Variants in QPCT observed in about 807,000 individuals in gnomAD.
QPCT encodes the protein EC.
In QPCT, 44 loss-of-function variants were observed where a neutral mutation model predicts 43.4. That is an observed-to-expected ratio of 1.01 (90% CI 0.80 to 1.30). The LOEUF is 1.30. QPCT is among the 50% of genes most tolerant of loss of function. QPCT has a pLI of 0.00. For missense variants in QPCT, 526 were observed against 436.5 expected, an observed-to-expected ratio of 1.21 and a Z score of -1.83; for synonymous variants, 168 against 168.4, an observed-to-expected ratio of 1.00 and a Z score of 0.02.
At chr2:37,367,801 C>T (rs1672996341) in intron 4 of QPCT, among the ~76,000 whole-genome samples, 1 of 151,990 alleles carries the variant, frequency 6.6e-6, no homozygotes, top group African/African-American at 2.4e-5. Context: ...CCCAGGAGTT[C>T]GAGGCTGCCG....
chr2:37,355,602 C>A (rs969571310), intron 2 of QPCT, among the ~76,000 whole-genome samples: 1 of 151,986 alleles, frequency 6.6e-6, no homozygotes, highest in Non-Finnish European at 1.5e-5. Flanking sequence ...TTGGGGGAAC[C>A]CTGTCCCACA....
chr2:37,367,156 C>A, intron 3 of QPCT, 76 bp from the exon 4 acceptor site: 2 of 1,446,636 alleles, frequency 1.4e-6, no homozygotes, highest in Non-Finnish European at 1.9e-6. Context: ...ATCTTTTTGC[C>A]CAATTAATAG....
intron 3 of QPCT, among the ~76,000 whole-genome samples, chr2:37,363,170 A>G (rs191193923): frequency 2.6e-5 from 4 of 152,364 alleles, no homozygotes; most frequent in African/African-American, 4.8e-5. Flanking sequence ...AAAATCCCAG[A>G]TGGTGACATT....
rs1335042767 is a variant in QPCT, at chr2:37,367,230, A to T, written c.547-2A>T. On this transcript the variant is annotated splice_acceptor_variant, in intron 3 of 6. Coordinates refer to ENST00000338415, the MANE Select transcript of QPCT (RefSeq NM_012413.4). LOFTEE classifies it high-confidence loss of function. ...CTATGTTTTTATTGTTGTTTTTACC[A>T]GACTGTTTCAGACTCCAAGCCAGAT... 1.2e-6 allele frequency: 2 copies of T among 1,608,802 alleles called. No individual in the cohort carries two copies. Among genetic ancestry groups the T allele is most frequent in the Admixed American group, 1.7e-5 (1 of 58,814 alleles).
At chr2:37,361,153 T>A (rs372666223) in intron 3 of QPCT, among the ~76,000 whole-genome samples, 23 of 152,336 alleles carry the variant, frequency 1.5e-4, no homozygotes, top group African/African-American at 5.5e-4. Flanking sequence ...GTGGGGGATT[T>A]TTTTTAAGAG....
intron 3 of QPCT, among the ~76,000 whole-genome samples, chr2:37,362,881 C>T (rs1001631005): frequency 6.6e-6 from 1 of 152,184 alleles, no homozygotes; most frequent in Non-Finnish European, 1.5e-5. Context: ...TAGAGATTCC[C>T]ACCCCACACC....
intron 3 of QPCT, among the ~76,000 whole-genome samples, chr2:37,362,123 G>A (rs1672867209): frequency 6.6e-6 from 1 of 152,208 alleles, no homozygotes; most frequent in Admixed American, 6.5e-5. Flanking sequence ...GAGTCTCCCA[G>A]CTGTTGAAGT....
intron 5 of QPCT, among the ~76,000 whole-genome samples, chr2:37,371,599 T>C (rs892228208): frequency 5.3e-5 from 8 of 152,180 alleles, no homozygotes; most frequent in Non-Finnish European, 1.2e-4. Flanking sequence ...TTACCTTAGC[T>C]AGTTCCTAGC....
At chr2:37,370,744 A>C (rs1171109418) in intron 5 of QPCT, among the ~76,000 whole-genome samples, 1 of 152,204 alleles carries the variant, frequency 6.6e-6, no homozygotes, top group African/African-American at 2.4e-5. Context: ...ATACGTATCT[A>C]TGGCTGAAGA....
At chr2:37,365,193 A>G (rs1275526483) in intron 3 of QPCT, among the ~76,000 whole-genome samples, 2 of 152,090 alleles carry the variant, frequency 1.3e-5, no homozygotes, top group Non-Finnish European at 2.9e-5. Flanking sequence ...GAAGAGAACC[A>G]TGGAGCAAGC....
At chr2:37,354,159 C>T (rs978317715) in intron 2 of QPCT, among the ~76,000 whole-genome samples, 1 of 152,230 alleles carries the variant, frequency 6.6e-6, no homozygotes, top group Non-Finnish European at 1.5e-5. Context: ...CCACCGCGTC[C>T]GGCTGAGCTC....
chr2:37,372,425 G>A lies in QPCT; in HGVS notation c.893G>A (p.Ser298Asn). 1 of 1,614,066 alleles carries A rather than the reference G, an allele frequency of 6.2e-7. No individual in the cohort carries two copies. The highest frequency in any genetic ancestry group is 2.2e-5 in the East Asian group (1 of 44,890). The change falls in exon 6 of 7, where the codon AGT becomes AAT. Residue 298 changes from serine to asparagine, a missense_variant. Coordinates refer to ENST00000338415, the MANE Select transcript of QPCT (RefSeq NM_012413.4). Reference sequence around the variant, plus strand: ...GAGGGGCGGTATTTCCAGAATTACAGTTATGGAGGTGTGATTCAGGATGAC... The same window carrying A: ...GAGGGGCGGTATTTCCAGAATTACAATTATGGAGGTGTGATTCAGGATGAC... The part of the protein sequence containing the change: ...SLEGRYFQNY[S>N]YGGVIQDDHI...
intron 6 of QPCT, 100 bp downstream of exon 6, chr2:37,372,572 T>C (rs1673102434): frequency 1.4e-6 from 2 of 1,473,296 alleles, no homozygotes; most frequent in African/African-American, 2.8e-5. Context: ...TGATGATGAA[T>C]TATCAGCTGT....
chr2:37,369,220 C>A (rs1673024345), intron 4 of QPCT, among the ~76,000 whole-genome samples: 1 of 152,162 alleles, frequency 6.6e-6, no homozygotes, highest in African/African-American at 2.4e-5. Flanking sequence ...AGCTCCTGTA[C>A]AAGGAATTTT....
chr2:37,360,557 A>G (rs1015021234), intron 3 of QPCT, among the ~76,000 whole-genome samples: 3 of 152,234 alleles, frequency 2.0e-5, no homozygotes, highest in Admixed American at 6.5e-5. Context: ...AGCAAAAACA[A>G]AAAACTTTGT....
chr2:37,361,442 C>T (rs1462893874), intron 3 of QPCT, among the ~76,000 whole-genome samples: 4 of 152,206 alleles, frequency 2.6e-5, no homozygotes, highest in Non-Finnish European at 1.5e-5. Flanking sequence ...CTTCCTCATC[C>T]CTTCACTCTG....
At chr2:37,363,791 A>C (rs1672902882) in intron 3 of QPCT, among the ~76,000 whole-genome samples, 1 of 152,124 alleles carries the variant, frequency 6.6e-6, no homozygotes, top group Non-Finnish European at 1.5e-5. Flanking sequence ...AGGAGACATT[A>C]TATCTATGAA....
At chr2:37,345,116 G>A (rs1447039355) in intron 1 of QPCT, among the ~76,000 whole-genome samples, 1 of 152,194 alleles carries the variant, frequency 6.6e-6, no homozygotes, top group Non-Finnish European at 1.5e-5. Flanking sequence ...TCTGATGGGG[G>A]TGCTGATAGG....
At chr2:37,353,364 C>T (rs1406834680) in intron 2 of QPCT, among the ~76,000 whole-genome samples, 1 of 152,098 alleles carries the variant, frequency 6.6e-6, no homozygotes, top group East Asian at 1.9e-4. Context: ...AGAGTTAAGG[C>T]TGGTGATAAG....
Sources: gnomAD v4.1 joint callset for allele counts (sites outside exome capture counted in the v4.1 genomes callset) on GRCh38, gnomAD v4.1.1 for gene constraint, MANE v1.5 for transcripts, NCBI Gene and HGNC (gene_info 2026-07-23, HGNC 2026-07-21) for gene names.